NTNG1: variants seen among roughly 807,000 people sequenced by gnomAD.
NTNG1 encodes the protein netrin G1.
A neutral mutation model predicts 54.0 loss-of-function variants in NTNG1; 16 were observed. That is an observed-to-expected ratio of 0.30 (90% CI 0.20 to 0.45). The LOEUF (loss-of-function observed/expected upper bound fraction) is 0.45, where lower values mean the gene tolerates loss of function less well. Ranked by LOEUF, NTNG1 falls within the 20% of genes least tolerant of loss-of-function variation. NTNG1 has a pLI of 1.00. For synonymous variants in NTNG1, 255 were observed against 263.1 expected (o/e 0.97, Z 0.30); for missense variants, 530 against 678.7 (o/e 0.78, Z 2.43).
intron 7 of NTNG1, among the ~76,000 whole-genome samples, chr1:107,463,953 C>G (rs1205170492): frequency 6.6e-6 from 1 of 151,852 alleles, no homozygotes; most frequent in African/African-American, 2.4e-5. Flanking sequence ...AATTTATTTC[C>G]TAGACTATAT....
chr1:107,213,909 A>G (rs1659767451), intron 2 of NTNG1, among the ~76,000 whole-genome samples: 1 of 152,058 alleles, frequency 6.6e-6, no homozygotes, highest in Admixed American at 6.6e-5. Flanking sequence ...TTGCCGTTAT[A>G]TTTTATTGCT....
At chr1:107,371,082 A>G (rs947182529) in intron 3 of NTNG1, among the ~76,000 whole-genome samples, 3 of 152,112 alleles carry the variant, frequency 2.0e-5, no homozygotes, top group East Asian at 1.9e-4. Flanking sequence ...GTCTTTGACC[A>G]TTAAGTGAAA....
At chr1:107,242,877 T>C (rs1027118942) in intron 2 of NTNG1, among the ~76,000 whole-genome samples, 3 of 152,166 alleles carry the variant, frequency 2.0e-5, no homozygotes, top group Admixed American at 2.0e-4. Flanking sequence ...AAGAGTTGAA[T>C]GCAACCAGAG....
intron 7 of NTNG1, chr1:107,460,318 C>T (rs892423987): frequency 1.2e-5 from 6 of 506,154 alleles, no homozygotes; most frequent in African/African-American, 7.8e-5. Context: ...ACCATGACAT[C>T]GCTCCTCTGC....
chr1:107,297,230 T>G (rs893873754), intron 2 of NTNG1, among the ~76,000 whole-genome samples: 2 of 35,428 alleles, frequency 5.6e-5, no homozygotes, highest in East Asian at 1.6e-3. Context: ...TATATATATA[T>G]ATATATATAT....
rs781018887 is a variant in NTNG1 at position 107,436,903 on chromosome 1, G to T, written c.1390+104G>T. 9.4e-6 allele frequency: 10 copies of T among 1,068,916 alleles called. No homozygotes were observed. In the East Asian group the frequency reaches 1.3e-4, roughly 14 times the overall value. 66.2% of individuals were successfully genotyped at this position (1,068,916 alleles called of 1,614,324 possible). On this transcript the variant is annotated intron_variant, in intron 7 of 7. Coordinates refer to ENST00000370068, the MANE Select transcript of NTNG1 (RefSeq NM_001113226.3). The stretch of plus-strand genomic sequence containing the variant: ...CTCAGAGCAGAAAAAGATCCAAACC[G>T]CTGACAAGTTTTAAAAGCTACTTAA...
At chr1:107,470,086 T>C (rs1425902754) in intron 7 of NTNG1, among the ~76,000 whole-genome samples, 1 of 152,212 alleles carries the variant, frequency 6.6e-6, no homozygotes, top group Non-Finnish European at 1.5e-5. Flanking sequence ...CATCTGAGGC[T>C]GTGGAGTCAT....
chr1:107,352,606 G>A (rs908050462), intron 3 of NTNG1, among the ~76,000 whole-genome samples: 1 of 152,146 alleles, frequency 6.6e-6, no homozygotes, highest in African/African-American at 2.4e-5. Context: ...TTCCAAAAGG[G>A]AGAAATCAGC....
At chr1:107,209,941 G>A (rs1659494288) in intron 2 of NTNG1, among the ~76,000 whole-genome samples, 1 of 151,666 alleles carries the variant, frequency 6.6e-6, no homozygotes, top group South Asian at 2.1e-4. Context: ...GTTTAAATTG[G>A]ATGGTTCAGG....
intron 3 of NTNG1, among the ~76,000 whole-genome samples, chr1:107,357,169 C>T (rs1210549184): frequency 6.6e-6 from 1 of 152,128 alleles, no homozygotes; most frequent in Non-Finnish European, 1.5e-5. Context: ...CAATTGTGTC[C>T]ATGGATTCTT....
rs558226776 is a variant in NTNG1, at chr1:107,305,784, C to T, written c.247-18498C>T. Among the ~76,000 whole-genome samples the T allele has an allele frequency of 9.9e-4, 150 of 152,190 alleles. 1 individual carries two copies. Among genetic ancestry groups the T allele is most frequent in the African/African-American group, 3.4e-3 (141 of 41,534 alleles). On this transcript the variant is annotated intron_variant, in intron 2 of 7. Coordinates refer to ENST00000370068, the MANE Select transcript of NTNG1 (RefSeq NM_001113226.3). ...TCTATTTTGGCTTTTGTTGCCATTG[C>T]TTTTGGTGTTTAGGTCATGAAGTCT... is the stretch of plus-strand genomic sequence containing the variant.
intron 5 of NTNG1, among the ~76,000 whole-genome samples, chr1:107,427,435 C>A (rs1253622057): frequency 6.6e-6 from 1 of 152,038 alleles, no homozygotes; most frequent in Admixed American, 6.6e-5. Context: ...GATAATGCAA[C>A]TCAAGCTGTA....
At chr1:107,433,380 C>T (rs539274622) in intron 6 of NTNG1, among the ~76,000 whole-genome samples, 1 of 152,160 alleles carries the variant, frequency 6.6e-6, no homozygotes, top group Non-Finnish European at 1.5e-5. Context: ...CACATCTCTA[C>T]TGAAAGAGAT....
intron 3 of NTNG1, among the ~76,000 whole-genome samples, chr1:107,339,308 T>C (rs1403807261): frequency 6.6e-6 from 1 of 152,012 alleles, no homozygotes; most frequent in Non-Finnish European, 1.5e-5. Context: ...GGGTGACCCA[T>C]TTAAAGGAAG....
At chr1:107,208,355 G>A (rs143879354) in intron 2 of NTNG1, among the ~76,000 whole-genome samples, 147 of 151,466 alleles carry the variant, frequency 9.7e-4, no homozygotes, top group African/African-American at 3.4e-3. Context: ...ACTTGAACCT[G>A]GAAGGCGGAG....
intron 5 of NTNG1, chr1:107,420,979 T>C (rs1046106076): frequency 6.6e-6 from 5 of 759,644 alleles, no homozygotes; most frequent in African/African-American, 1.7e-5. Flanking sequence ...ACAAATAGTC[T>C]CTTAATTTAG....
chr1:107,160,746 C>T (rs910660520), intron 2 of NTNG1, among the ~76,000 whole-genome samples: 11 of 152,262 alleles, frequency 7.2e-5, no homozygotes, highest in African/African-American at 2.6e-4. Context: ...TCAGTCCTCT[C>T]TAGCTGCACC....
chr1:107,150,023 T>A (rs79542587), intron 2 of NTNG1, among the ~76,000 whole-genome samples: 2,943 of 152,256 alleles, frequency 0.019, 79 homozygotes, highest in African/African-American at 0.066. Flanking sequence ...AGGAAACAAT[T>A]TTGAGCAATA....
chr1:107,399,503 T>C (rs1378146791), intron 4 of NTNG1, among the ~76,000 whole-genome samples: 1 of 152,218 alleles, frequency 6.6e-6, no homozygotes, highest in East Asian at 1.9e-4. Context: ...GATTGTTCTA[T>C]TATTTTCTCT....
Sources: allele counts gnomAD v4.1 joint callset (sites outside exome capture counted in the v4.1 genomes callset), GRCh38; gene constraint gnomAD v4.1.1; transcripts MANE v1.5; gene names NCBI Gene and HGNC (gene_info 2026-07-23, HGNC 2026-07-21).